OTOP1: variants seen among roughly 807,000 people sequenced by gnomAD.
The protein encoded by OTOP1 is otopetrin 1, also known as proton channel OTOP1.
Under a neutral mutation model 52.9 loss-of-function variants are expected in OTOP1, and 59 were observed. The observed-to-expected ratio is 1.12, with a 90% CI of 0.91 to 1.39. OTOP1 has a LOEUF of 1.39. OTOP1 is among the 40% of genes most tolerant of loss of function. The probability of loss-of-function intolerance (pLI) is 0.00; values close to 1 mark genes in which losing one functional copy is unlikely to be tolerated. For missense variants in OTOP1, 761 were observed against 800.9 expected, an observed-to-expected ratio of 0.95 and a Z score of 0.60; for synonymous variants, 317 against 337.7, an observed-to-expected ratio of 0.94 and a Z score of 0.67.
chr4:4,191,216 C>T (rs1716497394), intron 5 of OTOP1, among the ~76,000 whole-genome samples: 2 of 152,124 alleles, frequency 1.3e-5, no homozygotes, highest in Admixed American at 1.3e-4. Context: ...CTCTGTGCCT[C>T]CAAAGCAGTA....
rs1015721174 is a variant in OTOP1, at chr4:4,225,920, T to C, written c.403+542A>G. ...GAGAAGCTTCGCGGGGAGAATGGGG[T>C]GAGGCCTGAGCCCTGTCTCGGAAAG... is the stretch of plus-strand genomic sequence containing the variant. On this transcript the variant is annotated intron_variant, in intron 1 of 5. Transcript: ENST00000296358. Among the ~76,000 whole-genome samples, 6 of 151,664 alleles carry C rather than the reference T, an allele frequency of 4.0e-5. No homozygotes were observed. In the South Asian group the frequency reaches 6.3e-4, roughly 16 times the overall value.
chr4:4,197,087 T>C, intron 5 of OTOP1, 79 bp downstream of exon 5: 2 of 1,398,022 alleles, frequency 1.4e-6, no homozygotes, highest in South Asian at 1.4e-5. Context: ...ATTTAACAAA[T>C]CTGCATGTGT....
At chr4:4,194,811 T>C (rs1479133275) in intron 5 of OTOP1, among the ~76,000 whole-genome samples, 1 of 152,200 alleles carries the variant, frequency 6.6e-6, no homozygotes, top group Non-Finnish European at 1.5e-5. Context: ...CAGAGACTCA[T>C]GCGGTGGCAA....
chr4:4,212,109 GA>G (rs892810637), intron 2 of OTOP1, among the ~76,000 whole-genome samples: 14 of 151,738 alleles, frequency 9.2e-5, no homozygotes, highest in African/African-American at 3.1e-4. Flanking sequence ...ACATAAAAAA[GA>G]AAAAAAATGA....
At chr4:4,218,564 A>G (rs1398060268) in intron 1 of OTOP1, among the ~76,000 whole-genome samples, 1 of 152,146 alleles carries the variant, frequency 6.6e-6, no homozygotes, top group Non-Finnish European at 1.5e-5. Flanking sequence ...GGAAGCAGCA[A>G]ACATCTTGGA....
intron 4 of OTOP1, among the ~76,000 whole-genome samples, chr4:4,201,227 G>A (rs1716779085): frequency 6.6e-6 from 1 of 152,062 alleles, no homozygotes; most frequent in Non-Finnish European, 1.5e-5. Context: ...AAGAGTTCGA[G>A]ACCAGCTTGG....
chr4:4,223,916 C>T (rs1198383173), intron 1 of OTOP1, among the ~76,000 whole-genome samples: 1 of 145,896 alleles, frequency 6.9e-6, no homozygotes, highest in Non-Finnish European at 1.5e-5. Flanking sequence ...ACAAAAACAG[C>T]AGGGGAGAGA....
chr4:4,202,750 C>A (rs1470578976), intron 3 of OTOP1, among the ~76,000 whole-genome samples, 172 bp from the exon 4 acceptor site: 1 of 152,208 alleles, frequency 6.6e-6, no homozygotes, highest in Non-Finnish European at 1.5e-5. Context: ...GGGGCAGATC[C>A]ATAGAACCTT....
intron 3 of OTOP1, among the ~76,000 whole-genome samples, chr4:4,203,228 C>G (rs1230116547): frequency 6.6e-6 from 1 of 152,238 alleles, no homozygotes; most frequent in Non-Finnish European, 1.5e-5. Flanking sequence ...TCCTTTTTAT[C>G]TAGCCTTGAA....
chr4:4,205,137 C>T (rs17630169), intron 3 of OTOP1, among the ~76,000 whole-genome samples: 3,214 of 152,250 alleles, frequency 0.021, 48 homozygotes, highest in Non-Finnish European at 0.034. Flanking sequence ...ATTACCCTGT[C>T]GATTCTTTCC....
chr4:4,210,444 C>A (rs1441788847), intron 2 of OTOP1, among the ~76,000 whole-genome samples: 1 of 152,116 alleles, frequency 6.6e-6, no homozygotes, highest in Non-Finnish European at 1.5e-5. Flanking sequence ...CCTTTTGAGG[C>A]CTCTCTCTTT....
chr4:4,219,364 A>G (rs913246916), intron 1 of OTOP1, among the ~76,000 whole-genome samples: 4 of 152,198 alleles, frequency 2.6e-5, no homozygotes, highest in Admixed American at 2.0e-4. Flanking sequence ...AGTTAATGTA[A>G]TAAGTAGGAT....
At chr4:4,195,017 T>A (rs773822439) in intron 5 of OTOP1, among the ~76,000 whole-genome samples, 45 of 152,178 alleles carry the variant, frequency 3.0e-4, no homozygotes, top group Non-Finnish European at 6.5e-4. Flanking sequence ...TCTGGCCCTA[T>A]CTGTCTCCAT....
intron 1 of OTOP1, among the ~76,000 whole-genome samples, chr4:4,215,912 A>T (rs967298203): frequency 2.6e-5 from 4 of 151,934 alleles, no homozygotes; most frequent in African/African-American, 9.7e-5. Context: ...TTGTGCCTCA[A>T]CCTCAATCCC....
intron 5 of OTOP1, among the ~76,000 whole-genome samples, chr4:4,189,286 T>C (rs1403044325): frequency 2.0e-5 from 3 of 152,240 alleles, no homozygotes; most frequent in Non-Finnish European, 4.4e-5. Context: ...ATTTGAAAGA[T>C]GGGAATTCTA....
At chr4:4,216,404 A>G (rs752697503) in intron 1 of OTOP1, among the ~76,000 whole-genome samples, 8 of 152,212 alleles carry the variant, frequency 5.3e-5, no homozygotes, top group Non-Finnish European at 1.2e-4. Context: ...ATTGACCGCC[A>G]TTTATACATT....
At chr4:4,195,241 C>G (rs1716594777) in intron 5 of OTOP1, among the ~76,000 whole-genome samples, 2 of 152,374 alleles carry the variant, frequency 1.3e-5, no homozygotes, top group Non-Finnish European at 1.5e-5. Context: ...GCTCCCAAAA[C>G]ATGCCATGGT....
chr4:4,189,406 C>G (rs1577172528), intron 5 of OTOP1, among the ~76,000 whole-genome samples: 1 of 152,226 alleles, frequency 6.6e-6, no homozygotes, highest in Non-Finnish European at 1.5e-5. Flanking sequence ...TTCTCAGACT[C>G]TTTTGTGTCC....
chr4:4,218,174 C>G (rs1717189364), intron 1 of OTOP1, among the ~76,000 whole-genome samples: 1 of 151,926 alleles, frequency 6.6e-6, no homozygotes, highest in Non-Finnish European at 1.5e-5. Context: ...GATGGATCAC[C>G]TTAAGTCAGG....
Sources: allele counts gnomAD v4.1 joint callset (sites outside exome capture counted in the v4.1 genomes callset), GRCh38; gene constraint gnomAD v4.1.1; transcripts MANE v1.5; gene names NCBI Gene and HGNC (gene_info 2026-07-23, HGNC 2026-07-21).